The following COA1 variants were observed in gnomAD, a reference collection of about 807,000 sequenced individuals.
COA1 encodes the protein cytochrome c oxidase assembly factor 1 homolog.
In COA1, 13 loss-of-function variants were observed where a neutral mutation model predicts 16.0. The ratio of observed to expected loss-of-function variants is 0.81; its 90% confidence interval spans 0.53 to 1.29. The LOEUF (loss-of-function observed/expected upper bound fraction) is 1.29, where lower values mean the gene tolerates loss of function less well. COA1 is among the 50% of genes most tolerant of loss of function. COA1 has a pLI of 0.00. For missense variants in COA1, 179 were observed against 177.0 expected (o/e 1.01, Z -0.06); for synonymous variants, 65 against 65.7 (o/e 0.99, Z 0.05).
chr7:43,645,250 C>T lies in COA1; in HGVS notation c.264+1G>A, dbSNP rs1372871905. ...TGCGGTTCGCAGGGAAAGCACATTA[C>T]CTTGGCATCAACAATGTCCACGAAG... On this transcript the variant is annotated splice_donor_variant, in intron 4 of 5. Transcript: ENST00000223336. LOFTEE classifies it high-confidence loss of function. 6.2e-7 allele frequency: 1 copy of T among 1,613,804 alleles called. No individual in the cohort carries two copies. The highest frequency in any genetic ancestry group is 8.5e-7 in the Non-Finnish European group (1 of 1,179,862).
chr7:43,711,012 GTT>G (rs35186957), intron 1 of COA1, among the ~76,000 whole-genome samples: 12 of 146,238 alleles, frequency 8.2e-5, no homozygotes, highest in South Asian at 4.3e-4. Context: ...TTTGTTGATG[GTT>G]TTTTTTTTTC....
chr7:43,707,740 A>C (rs1264088005), intron 1 of COA1, among the ~76,000 whole-genome samples: 1 of 152,198 alleles, frequency 6.6e-6, no homozygotes, highest in Non-Finnish European at 1.5e-5. Flanking sequence ...CACGTTTGAA[A>C]TGTATAATAA....
downstream of COA1, among the ~76,000 whole-genome samples, chr7:43,637,543 T>C (rs559067179): frequency 6.6e-6 from 1 of 152,342 alleles, no homozygotes; most frequent in South Asian, 2.1e-4. Context: ...GTGGAGTCGA[T>C]GGCTGAGTCA....
intron 2 of COA1, chr7:43,647,864 T>C (rs964440316): frequency 3.8e-6 from 2 of 529,850 alleles, no homozygotes; most frequent in African/African-American, 3.8e-5. Context: ...ACCCATGCTG[T>C]GGGGGCCCTG....
intron 1 of COA1, among the ~76,000 whole-genome samples, chr7:43,695,456 TTCTC>T (rs34267296): frequency 0.15 from 22,290 of 151,590 alleles, 2,195 homozygotes; most frequent in Non-Finnish European, 0.21. Flanking sequence ...ACATGCTCTC[TTCTC>T]TCTCTCTCTA....
chr7:43,723,983 A>C (rs2095560837), intron 1 of COA1, among the ~76,000 whole-genome samples: 1 of 152,210 alleles, frequency 6.6e-6, no homozygotes, highest in Non-Finnish European at 1.5e-5. Context: ...TTGGAAAACT[A>C]TCCATGATAA....
At chr7:43,700,479 G>GA (rs1283467456) in intron 1 of COA1, among the ~76,000 whole-genome samples, 2 of 150,050 alleles carry the variant, frequency 1.3e-5, no homozygotes, top group East Asian at 1.9e-4. Flanking sequence ...TACCATCACA[G>GA]AAAAAAACTG....
chr7:43,624,623 C>T (rs772142141), intron 6 of COA1: 1 of 1,614,040 alleles, frequency 6.2e-7, no homozygotes, highest in Admixed American at 1.7e-5. Context: ...AAGCAAATGC[C>T]CTCCAAGAAG....
chr7:43,621,727 A>C (rs1234465299), intron 6 of COA1, among the ~76,000 whole-genome samples: 2 of 152,134 alleles, frequency 1.3e-5, no homozygotes, highest in Admixed American at 6.6e-5. Flanking sequence ...GTAAATTTTA[A>C]ATTTTCTATC....
intron 1 of COA1, chr7:43,649,537 A>G (rs1259363479): frequency 6.6e-6 from 1 of 152,236 alleles, no homozygotes; most frequent in Non-Finnish European, 1.5e-5. Context: ...TTGTTTAGCA[A>G]ACGGTTACTG....
chr7:43,700,211 C>G (rs558430523), intron 1 of COA1, among the ~76,000 whole-genome samples: 57 of 151,994 alleles, frequency 3.8e-4, no homozygotes, highest in African/African-American at 1.4e-3. Context: ...CACAATCATA[C>G]GTATGGAAAA....
chr7:43,637,018 T>G (rs997914013), downstream of COA1, among the ~76,000 whole-genome samples: 6 of 152,244 alleles, frequency 3.9e-5, no homozygotes, highest in Non-Finnish European at 7.3e-5. Context: ...TTCTGATTTC[T>G]GGAGCACAGC....
intron 2 of COA1, chr7:43,647,962 C>T: frequency 3.5e-6 from 1 of 285,134 alleles, no homozygotes; most frequent in Non-Finnish European, 6.6e-6. Context: ...CCCCGCATGG[C>T]CAGGAAGCAC....
At chr7:43,656,712 A>G (rs767090387) in intron 1 of COA1, among the ~76,000 whole-genome samples, 5 of 152,256 alleles carry the variant, frequency 3.3e-5, no homozygotes, top group East Asian at 1.9e-4. Context: ...AAAAAAACAA[A>G]AAGTATTTGA....
exon 7 of COA1, chr7:43,608,853 AGAT>A (rs142254040): frequency 0.15 from 22,287 of 152,454 alleles, 2,148 homozygotes; most frequent in Non-Finnish European, 0.21. Context: ...ATGAAGACAT[AGAT>A]GATTTTTGAG....
intron 1 of COA1, among the ~76,000 whole-genome samples, chr7:43,683,068 G>A (rs1029180418): frequency 3.3e-5 from 5 of 152,074 alleles, no homozygotes; most frequent in African/African-American, 1.2e-4. Flanking sequence ...ATGTTGGCCA[G>A]GCTGGTCTCA....
intron 3 of COA1, chr7:43,646,707 A>G (rs932778300): frequency 1.6e-5 from 7 of 436,458 alleles, no homozygotes; most frequent in Non-Finnish European, 3.3e-5. Context: ...AGTCTGAATC[A>G]TTCCTGGGAA....
intron 1 of COA1, chr7:43,659,246 A>T (rs2092171823): frequency 6.6e-6 from 1 of 152,264 alleles, no homozygotes; most frequent in South Asian, 2.1e-4. Context: ...CAAGGCGCAT[A>T]GCAGAGTGAT....
At chr7:43,698,078 A>G (rs1585142142) in intron 1 of COA1, among the ~76,000 whole-genome samples, 1 of 152,262 alleles carries the variant, frequency 6.6e-6, no homozygotes, top group East Asian at 1.9e-4. Context: ...TAGAAAAATT[A>G]CCAAGATCAC....
Sources: allele counts gnomAD v4.1 joint callset (sites outside exome capture counted in the v4.1 genomes callset), GRCh38; gene constraint gnomAD v4.1.1; transcripts MANE v1.5; gene names NCBI Gene and HGNC (gene_info 2026-07-23, HGNC 2026-07-21).